The following DNAH14 variants were observed in gnomAD, a reference collection of about 807,000 sequenced individuals.
The protein encoded by DNAH14 is axonemal beta dynein heavy chain 14.
DNAH14 carries 478 observed loss-of-function variants against 520.9 expected under a neutral mutation model. That is an observed-to-expected ratio of 0.92 (90% CI 0.85 to 0.99). The LOEUF (loss-of-function observed/expected upper bound fraction) is 0.99. Among genes scored for constraint, DNAH14 ranks in the 50% least tolerant of loss-of-function variants. The pLI is 0.00. For missense variants in DNAH14, 4,831 were observed against 5,234.5 expected (o/e 0.92, Z 2.38); for synonymous variants, 1,581 against 1,757.2 (o/e 0.90, Z 2.51).
chr1:225,217,236 A>G (rs1574064812), intron 41 of DNAH14, among the ~76,000 whole-genome samples: 1 of 152,194 alleles, frequency 6.6e-6, no homozygotes, highest in African/African-American at 2.4e-5. Flanking sequence ...CAGAACAGCA[A>G]ATGTTGCTGT....
intron 17 of DNAH14, among the ~76,000 whole-genome samples, chr1:225,059,238 AG>A (rs1472070435): frequency 3.3e-5 from 5 of 152,290 alleles, no homozygotes; most frequent in Admixed American, 3.3e-4. Flanking sequence ...TATTTAGGAT[AG>A]TTAGCTCTTC....
chr1:225,001,105 CT>C (rs56251439), intron 8 of DNAH14, among the ~76,000 whole-genome samples: 237 of 143,866 alleles, frequency 1.6e-3, no homozygotes, highest in Non-Finnish European at 1.5e-3. Flanking sequence ...AGGCAATGGA[CT>C]TTTTTTTTTT....
At chr1:225,278,750 A>T (rs751896961) in intron 54 of DNAH14, among the ~76,000 whole-genome samples, 1 of 152,126 alleles carries the variant, frequency 6.6e-6, no homozygotes, top group East Asian at 1.9e-4. Context: ...TTTCTTTAGC[A>T]TGTCTTTTCT....
chr1:225,342,281 G>A (rs1574920634), intron 69 of DNAH14, among the ~76,000 whole-genome samples: 1 of 151,948 alleles, frequency 6.6e-6, no homozygotes, highest in East Asian at 1.9e-4. Context: ...CATATCCTGG[G>A]AGCAATATTG....
rs1558905741 is a variant in DNAH14, at chr1:225,084,801, T to TTA, written c.3328-743_3328-742insTA. 2.5e-4 allele frequency among the ~76,000 whole-genome samples: 4 copies of TTA among 15,750 alleles called. No homozygotes were observed. In the Admixed American group the frequency reaches 3.0e-3, roughly 12 times the overall value. The allele number at this position is 15,750 out of a possible 152,430, so 10.3% of individuals were successfully genotyped here. ...CCATAAAGACTTGACAAGGCTAGATTCACTTCACTGAAATTTTGCTTTACA... is the reference window on the plus strand; with the variant it reads ...CCATAAAGACTTGACAAGGCTAGATTTACACTTCACTGAAATTTTGCTTTACA... On this transcript the variant is annotated intron_variant, in intron 20 of 85. Transcript: ENST00000682510.
At chr1:225,074,274 C>T (rs562174520) in intron 17 of DNAH14, among the ~76,000 whole-genome samples, 1 of 152,328 alleles carries the variant, frequency 6.6e-6, no homozygotes, top group South Asian at 2.1e-4. Context: ...GCTGGGATTA[C>T]AGGCGTGAGC....
In DNAH14 at chr1:225,115,846, A is replaced by G. The variant is rs2076833939; in HGVS notation, c.3868-1838A>G. Among the ~76,000 whole-genome samples the G allele has an allele frequency of 2.0e-5, 3 of 152,334 alleles. No homozygotes were observed. The South Asian group carries it at 6.2e-4, about 32-fold the overall frequency. ...GCTATGTGTTGGTACTACAAAGATA[A>G]AAGACATATTCCCTGCTATTACAGA... On this transcript the variant is annotated intron_variant, in intron 23 of 85. Transcript: ENST00000682510.
At chr1:225,307,653 A>G in intron 59 of DNAH14, 84 bp downstream of exon 59, 1 of 1,041,314 alleles carries the variant, frequency 9.6e-7, no homozygotes, top group Non-Finnish European at 1.3e-6. Flanking sequence ...GATACCTGAC[A>G]AAGACAGGCT....
intron 29 of DNAH14, 138 bp downstream of exon 29, chr1:225,144,766 A>G: frequency 1.4e-6 from 1 of 693,338 alleles, no homozygotes; most frequent in African/African-American, 1.8e-5. Flanking sequence ...CTCACATATA[A>G]TTAATTCATC....
chr1:225,098,165 C>G (rs145560209), intron 22 of DNAH14, among the ~76,000 whole-genome samples: 85 of 152,056 alleles, frequency 5.6e-4, no homozygotes, highest in African/African-American at 1.9e-3. Flanking sequence ...CGATGGCACT[C>G]CAGCCTGAAC....
rs73133528 is a variant in DNAH14, at chr1:225,072,472, G to A, written c.2425-6735G>A. ...ATGATTTTTAGCTTCCTTTCATTGG[G>A]TTACAATGTACTTCTTTAGCTCAGT... is the stretch of plus-strand genomic sequence containing the variant. On this transcript the variant is annotated intron_variant, in intron 17 of 85. Transcript: ENST00000682510. 9.6e-3 allele frequency among the ~76,000 whole-genome samples: 1,460 copies of A among 152,182 alleles called. 20 individuals are homozygous for A. The highest frequency in any genetic ancestry group is 0.034 in the African/African-American group (1,391 of 41,494).
At chr1:225,061,971 C>T (rs941542477) in intron 17 of DNAH14, among the ~76,000 whole-genome samples, 1 of 152,140 alleles carries the variant, frequency 6.6e-6, no homozygotes, top group Non-Finnish European at 1.5e-5. Flanking sequence ...CTGGACTTAA[C>T]CTCCTTCCAT....
chr1:225,073,180 T>C lies in DNAH14; in HGVS notation c.2425-6027T>C, dbSNP rs1000733282. On this transcript the variant is annotated intron_variant, in intron 17 of 85. Transcript: ENST00000682510. ...CCCCACAGGATGAATAGGAATGGGG[T>C]TGGGGACACGCTTAAAAAAGCAGTC... 2.6e-5 allele frequency among the ~76,000 whole-genome samples: 4 copies of C among 152,040 alleles called. 1 individual carries two copies. The highest frequency in any genetic ancestry group is 7.2e-5 in the African/African-American group (3 of 41,418).
intron 84 of DNAH14, among the ~76,000 whole-genome samples, chr1:225,394,199 A>G (rs1044972282): frequency 1.3e-5 from 2 of 152,150 alleles, no homozygotes; most frequent in African/African-American, 4.8e-5. Context: ...ATGATTATTG[A>G]TATTTGGATT....
At chr1:225,069,037 C>A (rs1180509484) in intron 17 of DNAH14, among the ~76,000 whole-genome samples, 1 of 1,264 alleles carries the variant, frequency 7.9e-4, no homozygotes, top group Admixed American at 2.4e-3. Context: ...AGCCGAGATC[C>A]CGCCACTGCA....
chr1:225,290,050 G>C lies in DNAH14; in HGVS notation c.8437G>C (p.Val2813Leu), dbSNP rs1322533954. 3 of 1,493,954 alleles carry C rather than the reference G, an allele frequency of 2.0e-6. No individual in the cohort carries two copies. The highest frequency in any genetic ancestry group is 2.7e-6 in the Non-Finnish European group (3 of 1,118,092). 92.5% of individuals were successfully genotyped at this position (1,493,954 alleles called of 1,614,324 possible). A position where few individuals can be genotyped will look rare whatever the true frequency, so the allele number is the denominator to read the frequency against. ...CGCAGGATTAAAAGGGAAACCCACT[G>C]TTCTGATGGTTCCCAATTTAAACAT... ...IHAGLKGKPT[V>L]LMVPNLNIEQ... The change falls in exon 55 of 86, where the codon GTT becomes CTT. Residue 2813 changes from valine (V) to leucine (L), a missense_variant. Coordinates refer to ENST00000682510, the MANE Select transcript of DNAH14 (RefSeq NM_001367479.1).
At chr1:225,231,005 C>A in intron 41 of DNAH14, 68 bp from the exon 42 acceptor site, 2 of 1,083,198 alleles carry the variant, frequency 1.8e-6, no homozygotes, top group South Asian at 1.5e-5. Flanking sequence ...AAGGTTAAAC[C>A]TCATTAGTTT....
intron 36 of DNAH14, among the ~76,000 whole-genome samples, chr1:225,185,054 G>A (rs2084523720): frequency 6.6e-6 from 1 of 151,752 alleles, no homozygotes; most frequent in Non-Finnish European, 1.5e-5. Flanking sequence ...ACATAGCCAA[G>A]AGGCTCCTAA....
At chr1:225,304,797 C>G in intron 57 of DNAH14, 111 bp from the exon 58 acceptor site, 1 of 1,052,910 alleles carries the variant, frequency 9.5e-7, no homozygotes, top group Non-Finnish European at 1.3e-6. Flanking sequence ...CTCTACATCT[C>G]CACATCTCAG....
Sources: allele counts gnomAD v4.1 joint callset (sites outside exome capture counted in the v4.1 genomes callset), GRCh38; gene constraint gnomAD v4.1.1; transcripts MANE v1.5; gene names NCBI Gene and HGNC (gene_info 2026-07-23, HGNC 2026-07-21).